WWTR1: variants seen among roughly 807,000 people sequenced by gnomAD.
WWTR1 encodes WW domain-containing transcription regulator protein 1.
In WWTR1, 13 loss-of-function variants were observed where a neutral mutation model predicts 40.1. The observed-to-expected ratio is 0.32, with a 90% CI of 0.21 to 0.52. The LOEUF is 0.52. WWTR1 is among the 20% of genes least tolerant of loss of function. The pLI is 0.97. For synonymous variants in WWTR1, 230 were observed against 210.1 expected (o/e 1.09, Z -0.82); for missense variants, 436 against 523.1 (o/e 0.83, Z 1.63).
chr3:149,711,190 A>G (rs1263682375), intron 5 of WWTR1, among the ~76,000 whole-genome samples: 4 of 147,012 alleles, frequency 2.7e-5, no homozygotes, highest in Non-Finnish European at 4.5e-5. Context: ...GGGAGGCTGG[A>G]TGTGGTTGCT....
chr3:149,603,854 C>CAAAAAAAAAAAAAAAAA (rs370980729), intron 2 of WWTR1, among the ~76,000 whole-genome samples: 1 of 83,284 alleles, frequency 1.2e-5, no homozygotes. Context: ...AGCGGCATAC[C>CAAAAAAAAAAAAAAAAA]AAAAAAAAAA....
intron 2 of WWTR1, among the ~76,000 whole-genome samples, chr3:149,594,950 CTTT>C (rs563658190): frequency 0.011 from 653 of 61,788 alleles, 43 homozygotes; most frequent in African/African-American, 0.032. Context: ...CTCTTTTTTA[CTTT>C]TTTTTTTTTT....
At chr3:149,605,307 G>C (rs982504716) in intron 2 of WWTR1, among the ~76,000 whole-genome samples, 9 of 152,166 alleles carry the variant, frequency 5.9e-5, no homozygotes, top group African/African-American at 2.2e-4. Flanking sequence ...TACCAGGTAG[G>C]AGACCAGTTA....
intron 2 of WWTR1, among the ~76,000 whole-genome samples, chr3:149,596,128 C>T (rs1360362552): frequency 1.3e-5 from 2 of 152,132 alleles, no homozygotes; most frequent in African/African-American, 4.8e-5. Context: ...ACTCAAAATT[C>T]TTTGTACATA....
chr3:149,628,747 ATTTTATTTTATT>A (rs1560092967), intron 2 of WWTR1, among the ~76,000 whole-genome samples: 2 of 46,362 alleles, frequency 4.3e-5, no homozygotes, highest in African/African-American at 9.8e-5. Context: ...TTTTTATTTT[ATTTTATTTTATT>A]TTATTTTATT....
At chr3:149,704,809 G>T (rs1348637318), upstream of WWTR1, among the ~76,000 whole-genome samples, 3 of 149,428 alleles carry the variant, frequency 2.0e-5, no homozygotes, top group African/African-American at 7.4e-5. Flanking sequence ...TCTGAAAAAA[G>T]CCCCTACCAA....
intron 6 of WWTR1, among the ~76,000 whole-genome samples, chr3:149,523,906 T>C (rs374316883): frequency 1.3e-5 from 2 of 152,362 alleles, no homozygotes; most frequent in African/African-American, 4.8e-5. Flanking sequence ...GACTCTAACT[T>C]AACCAGGTTA....
intron 1 of WWTR1, among the ~76,000 whole-genome samples, chr3:149,678,498 C>T (rs932202829): frequency 1.3e-5 from 2 of 152,162 alleles, no homozygotes; most frequent in Non-Finnish European, 2.9e-5. Flanking sequence ...GCAGACATTA[C>T]TCACCATGCT....
At chr3:149,527,253 C>A (rs554330070) in intron 5 of WWTR1, among the ~76,000 whole-genome samples, 14 of 151,340 alleles carry the variant, frequency 9.3e-5, no homozygotes, top group African/African-American at 3.4e-4. Context: ...CTCCCAGGTT[C>A]AAGCAATTCT....
At chr3:149,552,806 G>A (rs1736666979) in intron 3 of WWTR1, among the ~76,000 whole-genome samples, 1 of 152,184 alleles carries the variant, frequency 6.6e-6, no homozygotes, top group African/African-American at 2.4e-5. Context: ...CTTCTCCAGA[G>A]CCAAGTGTAC....
upstream of WWTR1, among the ~76,000 whole-genome samples, chr3:149,705,028 C>G (rs1252931511): frequency 2.0e-5 from 3 of 151,852 alleles, no homozygotes; most frequent in East Asian, 5.8e-4. Flanking sequence ...AAAAATAACT[C>G]TTAGAAATTT....
intron 2 of WWTR1, among the ~76,000 whole-genome samples, chr3:149,619,990 T>C (rs888521276): frequency 1.3e-5 from 2 of 152,220 alleles, no homozygotes; most frequent in African/African-American, 4.8e-5. Flanking sequence ...AGTCACCCAA[T>C]TTGGGACTTA....
chr3:149,711,133 A>G (rs1715468173), intron 5 of WWTR1, among the ~76,000 whole-genome samples: 1 of 149,696 alleles, frequency 6.7e-6, no homozygotes. Flanking sequence ...TGAAGAGGAG[A>G]CAGAAGCGTA....
At chr3:149,531,573 C>T (rs1376856006) in intron 4 of WWTR1, among the ~76,000 whole-genome samples, 1 of 151,980 alleles carries the variant, frequency 6.6e-6, no homozygotes, top group Non-Finnish European at 1.5e-5. Flanking sequence ...GCACCTGCGC[C>T]AACTGTTCTA....
At chr3:149,664,864 T>C (rs6804960) in intron 2 of WWTR1, among the ~76,000 whole-genome samples, 29,607 of 151,974 alleles carry the variant, frequency 0.19, 3,123 homozygotes, top group Admixed American at 0.3. Context: ...GCTGGGATTA[T>C]AGGAGTGAAC....
At chr3:149,593,076 G>A (rs1468189986) in intron 2 of WWTR1, among the ~76,000 whole-genome samples, 6 of 152,122 alleles carry the variant, frequency 3.9e-5, no homozygotes, top group Non-Finnish European at 7.4e-5. Context: ...CAGGATCCGC[G>A]TGATCTGATT....
In WWTR1 at chr3:149,548,050, G is replaced by A. The variant is rs563066070; in HGVS notation, c.569-5513C>T. On this transcript the variant is annotated intron_variant, in intron 3 of 6. Transcript: ENST00000360632. ...CCTTGGTGAAGCAAACAGTCAACACGGGAATGGGGCGGGGGGTGGGGTTAT... is the reference window on the plus strand; with the variant it reads ...CCTTGGTGAAGCAAACAGTCAACACAGGAATGGGGCGGGGGGTGGGGTTAT... Among the ~76,000 whole-genome samples the A allele has an allele frequency of 6.2e-4, 70 of 113,584 alleles. 1 individual carries two copies. Among genetic ancestry groups the A allele is most frequent in the South Asian group, 3.5e-3 (10 of 2,880 alleles). The allele number at this position is 113,584 out of a possible 152,430, so 74.5% of individuals were successfully genotyped here.
chr3:149,657,277 G>A lies in WWTR1; in HGVS notation c.30C>T (p.Leu10=). The part of the protein sequence containing the change: MNPASAPPP[L]PPPGQQVIHV... The stretch of plus-strand genomic sequence containing the variant: ...GGATCACTTGCTGCCCAGGCGGCGG[G>A]AGCGGAGGGGGCGCCGAGGCCGGAT... Residue 10 remains leucine, a synonymous_variant, in exon 2 of 7, where the codon CTC becomes CTT. Transcript: ENST00000360632. The A allele has an allele frequency of 1.2e-6, 2 of 1,612,978 alleles. No homozygotes were observed. The highest frequency in any genetic ancestry group is 8.5e-7 in the Non-Finnish European group (1 of 1,179,518).
rs547483927 is a variant in WWTR1 at position 149,645,780 on chromosome 3, C to T, written c.431+11096G>A. Among the ~76,000 whole-genome samples the T allele has an allele frequency of 3.9e-5, 6 of 152,184 alleles. No individual in the cohort carries two copies. The East Asian group carries it at 1.2e-3, about 29-fold the overall frequency. ...CAGTATTTTAATATCTGCAGAAAAG[C>T]CATCACAAATGAATATTTTTTTTTT... On this transcript the variant is annotated intron_variant, in intron 2 of 6. Transcript: ENST00000360632.
Sources: gnomAD v4.1 joint callset for allele counts (sites outside exome capture counted in the v4.1 genomes callset) on GRCh38, gnomAD v4.1.1 for gene constraint, MANE v1.5 for transcripts, NCBI Gene and HGNC (gene_info 2026-07-23, HGNC 2026-07-21) for gene names.